Variants in IGDCC4 observed in about 807,000 individuals in gnomAD.
IGDCC4 encodes the protein likely ortholog of mouse neighbor of Punc E11.
In IGDCC4, 72 loss-of-function variants were observed where a neutral mutation model predicts 116.6. That is an observed-to-expected ratio of 0.62 (90% CI 0.51 to 0.75). IGDCC4 has a LOEUF of 0.75. IGDCC4 is among the 30% of genes least tolerant of loss of function. IGDCC4 has a pLI of 0.00. For missense variants in IGDCC4, 1,501 were observed against 1,662.4 expected, an observed-to-expected ratio of 0.90 and a Z score of 1.69; for synonymous variants, 709 against 719.9, an observed-to-expected ratio of 0.98 and a Z score of 0.24.
intron 6 of IGDCC4, 53 bp from the exon 7 acceptor site, chr15:65,396,216 G>GCCCCCCCCCCCCC: frequency 4.2e-6 from 5 of 1,188,156 alleles, no homozygotes; most frequent in Non-Finnish European, 3.2e-6. Context: ...TAAGGTCTCT[G>GCCCCCCCCCCCCC]CCCCCCCCCC....
Position 65,386,569 on chromosome 15 carries a change from A to C in IGDCC4, c.2933T>G (p.Leu978Arg), listed in dbSNP as rs1437015716. The C allele has an allele frequency of 1.2e-5, 19 of 1,607,236 alleles. No homozygotes were observed. The Admixed American group carries it at 3.2e-4, about 27-fold the overall frequency. The change falls in exon 17 of 20, where the codon CTG becomes CGG. Residue 978 changes from leucine (L) to arginine (R), a missense_variant. Transcript: ENST00000352385. ...LCLLACMCAG[L>R]RRSPHRESLP... Reference sequence around the variant, plus strand: ...TGCTCACCTGTGGGGGCTGCGGCGCAGGCCAGCACACATGCAGGCCAGGAG... The same window carrying C: ...TGCTCACCTGTGGGGGCTGCGGCGCCGGCCAGCACACATGCAGGCCAGGAG...
intron 3 of IGDCC4, among the ~76,000 whole-genome samples, chr15:65,403,466 C>G (rs1049699274): frequency 6.6e-6 from 1 of 152,172 alleles, no homozygotes; most frequent in East Asian, 1.9e-4. Flanking sequence ...CTTGCCCATA[C>G]TACCTTCTCC....
intron 1 of IGDCC4, among the ~76,000 whole-genome samples, chr15:65,415,632 A>C (rs2063135357): frequency 6.6e-6 from 1 of 152,196 alleles, no homozygotes; most frequent in South Asian, 2.1e-4. Flanking sequence ...CAGATGGGGA[A>C]ACTGAGGCCT....
chr15:65,406,113 T>C (rs1452067532), intron 3 of IGDCC4, among the ~76,000 whole-genome samples: 1 of 152,246 alleles, frequency 6.6e-6, no homozygotes, highest in African/African-American at 2.4e-5. Context: ...TTTCTTAAAA[T>C]GTGAGTGAAT....
intron 5 of IGDCC4, among the ~76,000 whole-genome samples, chr15:65,398,952 A>G (rs2062956760): frequency 6.6e-6 from 1 of 152,184 alleles, no homozygotes. Flanking sequence ...GACTTAGTGG[A>G]GTAAGTTCCT....
rs1280174087 is a variant in IGDCC4 at position 65,382,098 on chromosome 15, A to T, written c.*1911T>A. On this transcript the variant is annotated 3_prime_UTR_variant, in exon 20 of 20. Coordinates refer to ENST00000352385, the MANE Select transcript of IGDCC4 (RefSeq NM_020962.3). The stretch of plus-strand genomic sequence containing the variant: ...GGGCAGTTTTTTTTTCTTCTTTAAA[A>T]AAAAAAAATCAAACCAGCAAAATAA... 1 of 152,522 alleles carries T rather than the reference A, an allele frequency of 6.6e-6. No homozygotes were observed. Among genetic ancestry groups the T allele is most frequent in the African/African-American group, 2.4e-5 (1 of 41,434 alleles). The allele number at this position is 152,522 out of a possible 1,614,324, so 9.4% of individuals were successfully genotyped here.
intron 3 of IGDCC4, among the ~76,000 whole-genome samples, chr15:65,404,729 G>C (rs2063024128): frequency 6.6e-6 from 1 of 152,132 alleles, no homozygotes; most frequent in Non-Finnish European, 1.5e-5. Context: ...CCCCAGATAT[G>C]GTGCTATTGC....
Position 65,384,869 on chromosome 15 carries a change from G to C in IGDCC4, c.3342+85C>G. On this transcript the variant is annotated intron_variant, in intron 19 of 19. Transcript: ENST00000352385. The surrounding 1 kb of genome is among the most constrained non-coding windows in gnomAD (Gnocchi z 4.9). ...TATCCCCAGGAAAGTTACCACCCAGGGGTCTCCAGAGAACTCATTACTTCC... is the reference window on the plus strand; with the variant it reads ...TATCCCCAGGAAAGTTACCACCCAGCGGTCTCCAGAGAACTCATTACTTCC... 6.7e-7 allele frequency: 1 copy of C among 1,496,626 alleles called. No individual in the cohort carries two copies. The highest frequency in any genetic ancestry group is 9.0e-7 in the Non-Finnish European group (1 of 1,116,572). 92.7% of individuals were successfully genotyped at this position (1,496,626 alleles called of 1,614,324 possible). A position where few individuals can be genotyped will look rare whatever the true frequency, so the allele number is the denominator to read the frequency against.
At chr15:65,396,617 C>T (rs2062929720) in intron 6 of IGDCC4, among the ~76,000 whole-genome samples, 1 of 152,102 alleles carries the variant, frequency 6.6e-6, no homozygotes, top group African/African-American at 2.4e-5. Flanking sequence ...TTAATCACCC[C>T]TCTCGCTCCA....
At chr15:65,397,666 TAA>T (rs59114878) in intron 5 of IGDCC4, among the ~76,000 whole-genome samples, 32 of 114,566 alleles carry the variant, frequency 2.8e-4, no homozygotes, top group African/African-American at 5.2e-4. Context: ...TCCGTCTCTA[TAA>T]AAAAAAAAAA....
chr15:65,410,627 C>T, intron 2 of IGDCC4: 1 of 489,836 alleles, frequency 2.0e-6, no homozygotes, highest in South Asian at 2.3e-5. Context: ...TGAGAGCCCC[C>T]TAAGGGGTAA....
intron 1 of IGDCC4, among the ~76,000 whole-genome samples, chr15:65,417,315 C>G (rs1379697035): frequency 2.0e-5 from 3 of 152,136 alleles, no homozygotes. Context: ...GGCCTCAGCT[C>G]TCCCTTCATC....
chr15:65,387,975 G>T (rs762785161), intron 16 of IGDCC4, among the ~76,000 whole-genome samples: 7 of 152,140 alleles, frequency 4.6e-5, no homozygotes, highest in African/African-American at 1.2e-4. Context: ...GCTGGGCATG[G>T]TGGCTCACGC....
intron 13 of IGDCC4, 22 bp downstream of exon 13, chr15:65,390,133 T>G: frequency 6.5e-7 from 1 of 1,540,782 alleles, no homozygotes; most frequent in East Asian, 2.3e-5. Context: ...TTCTTTACAT[T>G]AGTAAAGGCA....
chr15:65,396,515 T>C (rs2062928889), intron 6 of IGDCC4: 1 of 548,304 alleles, frequency 1.8e-6, no homozygotes, highest in Non-Finnish European at 3.3e-6. Context: ...AGATCTACCC[T>C]GCCCCCCAGT....
intron 8 of IGDCC4, among the ~76,000 whole-genome samples, chr15:65,394,806 C>G: frequency 6.6e-6 from 1 of 152,126 alleles, no homozygotes; most frequent in South Asian, 2.1e-4. Flanking sequence ...CCTACCCCAG[C>G]TGGATGGCAC....
intron 16 of IGDCC4, 138 bp downstream of exon 16, chr15:65,388,311 A>G (rs1018759629): frequency 8.7e-7 from 1 of 1,149,534 alleles, no homozygotes; most frequent in Non-Finnish European, 1.2e-6. Flanking sequence ...ACTGAACCAC[A>G]CCTATTTCCC....
At chr15:65,408,785 C>G (rs1324056923) in intron 3 of IGDCC4, among the ~76,000 whole-genome samples, 1 of 150,556 alleles carries the variant, frequency 6.6e-6, no homozygotes, top group Non-Finnish European at 1.5e-5. Flanking sequence ...AGAAGTGACT[C>G]TCTGAGGACC....
intron 14 of IGDCC4, 140 bp from the exon 15 acceptor site, chr15:65,389,118 A>G (rs2091489135): frequency 1.8e-6 from 2 of 1,142,530 alleles, no homozygotes; most frequent in South Asian, 3.2e-5. Context: ...GAATTCTAGA[A>G]AACAGTATGT....
Sources: gnomAD v4.1 joint callset for allele counts (sites outside exome capture counted in the v4.1 genomes callset) on GRCh38, gnomAD v4.1.1 for gene constraint, Gnocchi (gnomAD v3.1) non-coding constraint, MANE v1.5 for transcripts, NCBI Gene and HGNC (gene_info 2026-07-23, HGNC 2026-07-21) for gene names.